RAD54L: variants seen among roughly 807,000 people sequenced by gnomAD.
RAD54L encodes the protein RAD54 like, also known as DNA repair and recombination protein RAD54-like.
Under a neutral mutation model 91.6 loss-of-function variants are expected in RAD54L, and 74 were observed. The observed-to-expected ratio is 0.81, with a 90% CI of 0.67 to 0.98. The LOEUF (loss-of-function observed/expected upper bound fraction) is 0.98, where lower values mean the gene tolerates loss of function less well. Ranked by LOEUF, RAD54L falls within the 50% of genes least tolerant of loss-of-function variation. The pLI, the probability that RAD54L is intolerant of heterozygous loss-of-function variation, is 0.00. For missense variants in RAD54L, 887 were observed against 945.7 expected (o/e 0.94, Z 0.81); for synonymous variants, 304 against 349.7 (o/e 0.87, Z 1.46).
Position 46,248,131 on chromosome 1 carries a change from C to T in RAD54L, c.-275C>T. On this transcript the variant is annotated 5_prime_UTR_variant, in exon 1 of 18. Coordinates refer to ENST00000371975, the MANE Select transcript of RAD54L (RefSeq NM_003579.4). The stretch of plus-strand genomic sequence containing the variant: ...GCCCAGTCTGGGACTCCACCTGCCT[C>T]CTCCCCAATCCCACACTAATCTCTG... The T allele has an allele frequency of 3.7e-6, 2 of 537,796 alleles. No individual in the cohort carries two copies. Among genetic ancestry groups the T allele is most frequent in the East Asian group, 6.7e-5 (2 of 29,758 alleles). 33.3% of individuals were successfully genotyped at this position (537,796 alleles called of 1,614,324 possible).
At chr1:46,258,922 A>G (rs1660014149) in intron 4 of RAD54L, among the ~76,000 whole-genome samples, 176 bp downstream of exon 4, 1 of 152,166 alleles carries the variant, frequency 6.6e-6, no homozygotes. Flanking sequence ...TAGCCTCAGT[A>G]AGGGCTGCCA....
intron 10 of RAD54L, among the ~76,000 whole-genome samples, chr1:46,271,991 C>G (rs1660440964): frequency 7.1e-6 from 1 of 140,646 alleles, no homozygotes; most frequent in African/African-American, 2.6e-5. Context: ...CAATTGAGAC[C>G]CTGATACAGA....
rs1361241713 is a variant in RAD54L at position 46,274,164 on chromosome 1, C to T, written c.1637C>T (p.Thr546Met). Residue 546 changes from threonine to methionine, a missense_variant, in exon 15 of 18, where the codon ACG (threonine) becomes ATG (methionine). Physicochemically the swap from Thr to Met is moderately conservative, Grantham distance 81 (BLOSUM62 -1). Coordinates refer to ENST00000371975, the MANE Select transcript of RAD54L (RefSeq NM_003579.4). ...TACTTATACGTCCGCCTGGATGGCA[C>T]GATGTCCATTAAGAAGCGAGCCAAG... ...RRYLYVRLDG[T>M]MSIKKRAKVV... 4.8e-5 allele frequency: 77 copies of T among 1,613,662 alleles called. No homozygotes were observed. The highest frequency in any genetic ancestry group is 8.8e-5 in the South Asian group (8 of 91,084).
intron 3 of RAD54L, among the ~76,000 whole-genome samples, chr1:46,254,314 A>AG (rs1217592194): frequency 6.6e-6 from 1 of 151,160 alleles, no homozygotes; most frequent in Non-Finnish European, 1.5e-5. Context: ...TAATGGAGGA[A>AG]GGGGTCCCAA....
rs1660081769 is a variant in RAD54L at position 46,260,576 on chromosome 1, A to G, written c.442A>G (p.Ile148Val). The G allele has an allele frequency of 4.3e-6, 7 of 1,613,974 alleles. No individual in the cohort carries two copies. The highest frequency in any genetic ancestry group is 2.2e-5 in the East Asian group (1 of 44,892). ...CCCTGTCCATGTGGTTGTTGACCCT[A>G]TTCTCAGTAAGGTTTTGCGGCCTCA... ...KLPVHVVVDP[I>V]LSKVLRPHQR... The change falls in exon 6 of 18, where the codon ATT (isoleucine) becomes GTT (valine). Residue 148 changes from isoleucine to valine, a missense_variant. Ile to Val is a conservative substitution (Grantham distance 29). Coordinates refer to ENST00000371975, the MANE Select transcript of RAD54L (RefSeq NM_003579.4).
intron 9 of RAD54L, 191 bp downstream of exon 9, chr1:46,267,800 C>G (rs1442792717): frequency 1.3e-6 from 1 of 758,470 alleles, no homozygotes; most frequent in Non-Finnish European, 2.2e-6. Flanking sequence ...AGCAACTCAG[C>G]AAAGCCCATG....
At chr1:46,274,403 G>T in intron 15 of RAD54L, 135 bp from the exon 16 acceptor site, 2 of 1,293,794 alleles carry the variant, frequency 1.5e-6, no homozygotes, top group Non-Finnish European at 2.2e-6. Flanking sequence ...TGGCTGGCTG[G>T]TGAGCAGATA....
rs190653763 is a variant in RAD54L at position 46,262,373 on chromosome 1, C to G, written c.891+988C>G. Among the ~76,000 whole-genome samples, 28 of 152,228 alleles carry G rather than the reference C, an allele frequency of 1.8e-4. 2 individuals carry two copies. The highest frequency in any genetic ancestry group is 1.7e-3 in the Admixed American group (26 of 15,282). On this transcript the variant is annotated intron_variant, in intron 8 of 17. Coordinates refer to ENST00000371975, the MANE Select transcript of RAD54L (RefSeq NM_003579.4). ...AATGAGCCTAGATAATGCCACTGCA[C>G]TCTAGCCTGGGTGACAGAGCAAGAC... is the stretch of plus-strand genomic sequence containing the variant.
In RAD54L at chr1:46,274,640, G is replaced by T. The variant is rs1265483655; in HGVS notation, c.1792G>T (p.Ala598Ser). 2 of 1,614,012 alleles carry T rather than the reference G, an allele frequency of 1.2e-6. No homozygotes were observed. The highest frequency in any genetic ancestry group is 1.7e-6 in the Non-Finnish European group (2 of 1,180,056). Reference protein sequence around the residue: ...LVMFDPDWNPANDEQAMARVW... With the variant: ...LVMFDPDWNPSNDEQAMARVW... The stretch of plus-strand genomic sequence containing the variant: ...CATGTTTGACCCTGACTGGAACCCA[G>T]CCAATGATGAACAAGCCATGGCCCG... Residue 598 changes from alanine to serine, a missense_variant, in exon 16 of 18, where the codon GCC (alanine) becomes TCC (serine). By Grantham distance (99) the Ala-to-Ser change is moderately conservative (BLOSUM62 1). Coordinates refer to ENST00000371975, the MANE Select transcript of RAD54L (RefSeq NM_003579.4).
intron 15 of RAD54L, 35 bp from the exon 16 acceptor site, chr1:46,274,503 A>C: frequency 6.2e-7 from 1 of 1,607,038 alleles, no homozygotes; most frequent in Non-Finnish European, 8.5e-7. Flanking sequence ...TTAGGCTATA[A>C]GAGGTTCCTT....
intron 6 of RAD54L, 21 bp from the exon 7 acceptor site, chr1:46,260,706 C>A: frequency 6.2e-7 from 1 of 1,614,204 alleles, no homozygotes; most frequent in East Asian, 2.2e-5. Flanking sequence ...CCAAAGTGGA[C>A]TGAAGGCTGT....
chr1:46,272,111 C>T (rs1486083908), intron 10 of RAD54L, among the ~76,000 whole-genome samples: 5 of 129,634 alleles, frequency 3.9e-5, no homozygotes, highest in African/African-American at 1.2e-4. Context: ...GGGGCGATCT[C>T]GGCTCACTGC....
At chr1:46,251,293 C>T (rs1317187892) in intron 3 of RAD54L, among the ~76,000 whole-genome samples, 1 of 152,080 alleles carries the variant, frequency 6.6e-6, no homozygotes, top group Non-Finnish European at 1.5e-5. Flanking sequence ...GCCTGGGCGA[C>T]AAGAGTGAAA....
chr1:46,267,622 C>T lies in RAD54L; in HGVS notation c.1042+13C>T, dbSNP rs760092954. ...TCCGGCATCCTAGGTAAGAATCTAG[C>T]CTTGTTTGCCACATCAGAGAGGAGC... On this transcript the variant is annotated intron_variant, in intron 9 of 17. Coordinates refer to ENST00000371975, the MANE Select transcript of RAD54L (RefSeq NM_003579.4). The T allele has an allele frequency of 4.4e-6, 7 of 1,599,680 alleles. No individual in the cohort carries two copies. The highest frequency in any genetic ancestry group is 1.7e-5 in the Admixed American group (1 of 59,946).
At position 46,277,945 on chromosome 1, in the gene RAD54L, C is replaced by A; in HGVS notation, c.1998C>A (p.Ile666=). ...TGGGCGAGTTGAAGGAGCTGTTTAT[C>A]CTGGATGAAGCTAGCCTCAGTGACA... ...FSLGELKELF[I]LDEASLSDTH... is the part of the protein sequence containing the mutation. The change falls in exon 17 of 18, where the codon ATC becomes ATA. Residue 666 remains isoleucine (I), a synonymous_variant. Transcript: ENST00000371975. 1 of 1,614,108 alleles carries A rather than the reference C, an allele frequency of 6.2e-7. No individual in the cohort carries two copies. The highest frequency in any genetic ancestry group is 2.2e-5 in the East Asian group (1 of 44,876).
intron 4 of RAD54L, 118 bp downstream of exon 4, chr1:46,258,864 G>A: frequency 1.2e-6 from 1 of 863,620 alleles, no homozygotes; most frequent in Non-Finnish European, 1.9e-6. Context: ...CAGTCCAGCG[G>A]TGGCTGTGTT....
In RAD54L at chr1:46,250,097, C is replaced by A. The variant is rs121908688; in HGVS notation, c.188C>A (p.Pro63His). Residue 63 changes from proline (P) to histidine (H), a missense_variant, in exon 3 of 18, where the codon CCT becomes CAT. Coordinates refer to ENST00000371975, the MANE Select transcript of RAD54L (RefSeq NM_003579.4). Reference sequence around the variant, plus strand: ...TTGAGTCAGCTAACCAATCAACCACCTTGTCTGGACAGCAGTCAGCATGTA... The same window carrying A: ...TTGAGTCAGCTAACCAATCAACCACATTGTCTGGACAGCAGTCAGCATGTA... ...KPLSQLTNQPPCLDSSQHEAF... is the reference protein window; with the variant it reads ...KPLSQLTNQPHCLDSSQHEAF... 9.3e-6 allele frequency: 15 copies of A among 1,614,192 alleles called. No individual in the cohort carries two copies. Among genetic ancestry groups the A allele is most frequent in the Non-Finnish European group, 1.2e-5 (14 of 1,180,044 alleles).
Position 46,270,716 on chromosome 1 carries a change from C to T in RAD54L, c.1100C>T (p.Ala367Val), listed in dbSNP as rs1456012837. Residue 367 changes from alanine to valine, a missense_variant, in exon 10 of 18, where the codon GCT becomes GTT. Physicochemically the swap from Ala to Val is moderately conservative, Grantham distance 64. Transcript: ENST00000371975. ...TTGCCAATTTTGAAGGGTCGAGACGCTGCTGCTAGTGAGGCAGACAGGCAG... is the reference window on the plus strand; with the variant it reads ...TTGCCAATTTTGAAGGGTCGAGACGTTGCTGCTAGTGAGGCAGACAGGCAG... The part of the protein sequence containing the change: ...FELPILKGRD[A>V]AASEADRQLG... 1 of 1,614,252 alleles carries T rather than the reference C, an allele frequency of 6.2e-7. No homozygotes were observed. Among genetic ancestry groups the T allele is most frequent in the Admixed American group, 1.7e-5 (1 of 60,028 alleles).
At chr1:46,275,321 C>G (rs1177768793) in intron 16 of RAD54L, among the ~76,000 whole-genome samples, 1 of 152,164 alleles carries the variant, frequency 6.6e-6, no homozygotes, top group Non-Finnish European at 1.5e-5. Flanking sequence ...AAGATCACAC[C>G]GTGGAACTTG....
Sources: gnomAD v4.1 joint callset for allele counts (sites outside exome capture counted in the v4.1 genomes callset) on GRCh38, gnomAD v4.1.1 for gene constraint, MANE v1.5 for transcripts, NCBI Gene and HGNC (gene_info 2026-07-23, HGNC 2026-07-21) for gene names.